GLT1D1: variants seen among roughly 807,000 people sequenced by gnomAD.
The protein encoded by GLT1D1 is glycosyltransferase 1 domain-containing protein 1.
In GLT1D1, 21 loss-of-function variants were observed where a neutral mutation model predicts 28.7. The observed-to-expected ratio is 0.73, with a 90% CI of 0.52 to 1.05. The LOEUF is 1.05. Ranked by LOEUF, GLT1D1 falls within the 50% of genes least tolerant of loss-of-function variation. The probability of loss-of-function intolerance (pLI) is 0.00; values close to 1 mark genes in which losing one functional copy is unlikely to be tolerated. For missense variants in GLT1D1, 343 were observed against 330.6 expected, an observed-to-expected ratio of 1.04 and a Z score of -0.29; for synonymous variants, 147 against 124.8, an observed-to-expected ratio of 1.18 and a Z score of -1.19.
intron 1 of GLT1D1, among the ~76,000 whole-genome samples, chr12:128,864,970 G>A (rs557673046): frequency 6.6e-6 from 1 of 152,296 alleles, no homozygotes; most frequent in South Asian, 2.1e-4. Flanking sequence ...GACCTCAGAG[G>A]CTGGAGGAGA....
chr12:128,927,143 G>C, intron 4 of GLT1D1: 1 of 1,535,568 alleles, frequency 6.5e-7, no homozygotes, highest in Non-Finnish European at 8.7e-7. Flanking sequence ...CCTGGTGATT[G>C]TGGGTCCTGA....
At position 128,970,205 on chromosome 12, in the gene GLT1D1, G is replaced by T. The variant is rs142020211; in HGVS notation, c.639+12562G>T. Among the ~76,000 whole-genome samples the T allele has an allele frequency of 5.0e-3, 754 of 152,224 alleles. 7 individuals carry two copies. Among genetic ancestry groups the T allele is most frequent in the African/African-American group, 0.017 (721 of 41,544 alleles). On this transcript the variant is annotated intron_variant, in intron 7 of 7. Transcript: ENST00000281703. ...ACCCCGGTGGGCTGCAGCCTTAGGG[G>T]TAATGCTGCAGGGGAAGGCCTGCTT...
intron 4 of GLT1D1, among the ~76,000 whole-genome samples, chr12:128,939,508 G>T (rs992726617): frequency 6.6e-6 from 1 of 152,000 alleles, no homozygotes; most frequent in African/African-American, 2.4e-5. Flanking sequence ...GATCACTTGA[G>T]CCCAGGAGTT....
chr12:128,914,432 A>C (rs913932496), intron 4 of GLT1D1, among the ~76,000 whole-genome samples: 1 of 152,080 alleles, frequency 6.6e-6, no homozygotes, highest in Non-Finnish European at 1.5e-5. Context: ...GGCTCTTTTT[A>C]ACCCTCCTGT....
intron 4 of GLT1D1, among the ~76,000 whole-genome samples, chr12:128,922,300 G>A (rs1872736868): frequency 1.3e-5 from 2 of 152,000 alleles, no homozygotes; most frequent in Admixed American, 1.3e-4. Context: ...TTTGTAATTA[G>A]TAAGTAATTT....
At chr12:128,956,836 G>A (rs970843439) in intron 6 of GLT1D1, among the ~76,000 whole-genome samples, 13 of 152,094 alleles carry the variant, frequency 8.5e-5, no homozygotes, top group African/African-American at 2.7e-4. Context: ...AAATTGTCCC[G>A]CTGTGGTCAG....
chr12:128,944,835 A>C (rs1875805900), intron 4 of GLT1D1: 1 of 260,512 alleles, frequency 3.8e-6, no homozygotes, highest in Non-Finnish European at 7.3e-6. Context: ...TCTGGGGTAC[A>C]TGTGCACAAT....
At chr12:128,891,792 A>G (rs1375956332) in intron 3 of GLT1D1, among the ~76,000 whole-genome samples, 2 of 152,126 alleles carry the variant, frequency 1.3e-5, no homozygotes, top group East Asian at 3.9e-4. Context: ...TGGCAATGCA[A>G]ATGTGGACCC....
At chr12:128,864,896 T>G (rs1480031105) in intron 1 of GLT1D1, among the ~76,000 whole-genome samples, 2 of 152,122 alleles carry the variant, frequency 1.3e-5, no homozygotes, top group African/African-American at 4.8e-5. Context: ...GTGCCTGTCT[T>G]GCAGCTGTGA....
chr12:128,874,480 CT>C (rs138457706), intron 1 of GLT1D1, among the ~76,000 whole-genome samples: 6,524 of 106,720 alleles, frequency 0.061, 319 homozygotes, highest in Admixed American at 0.18. Flanking sequence ...CTGTGGCTGG[CT>C]TTTTTTTTTT....
intron 6 of GLT1D1, among the ~76,000 whole-genome samples, chr12:128,949,693 A>G (rs539512287): frequency 2.0e-5 from 3 of 152,158 alleles, no homozygotes; most frequent in Admixed American, 1.3e-4. Context: ...AGAGAATTAC[A>G]TTAAAAGTAT....
intron 2 of GLT1D1, among the ~76,000 whole-genome samples, chr12:128,879,399 T>C (rs1287732196): frequency 1.4e-4 from 12 of 83,074 alleles, no homozygotes; most frequent in South Asian, 1.1e-3. Flanking sequence ...TCTTTCTTTC[T>C]TTCTTTCTTT....
chr12:128,976,836 C>G (rs1030682507), intron 7 of GLT1D1, among the ~76,000 whole-genome samples: 11 of 152,020 alleles, frequency 7.2e-5, no homozygotes, highest in African/African-American at 2.7e-4. Context: ...TAATGAGGTT[C>G]TAATATTCAT....
chr12:128,920,369 C>T (rs945946678), intron 4 of GLT1D1, among the ~76,000 whole-genome samples: 6 of 152,246 alleles, frequency 3.9e-5, no homozygotes, highest in African/African-American at 1.4e-4. Flanking sequence ...GCTTGACCAA[C>T]ATGGTGAAGT....
intron 7 of GLT1D1, among the ~76,000 whole-genome samples, chr12:128,964,463 G>C (rs1878263922): frequency 6.6e-6 from 1 of 152,172 alleles, no homozygotes; most frequent in African/African-American, 2.4e-5. Context: ...GTCCCCTTGG[G>C]GGTGAGCAGC....
At chr12:128,854,689 G>A (rs1566073945) in intron 1 of GLT1D1, among the ~76,000 whole-genome samples, 1 of 152,062 alleles carries the variant, frequency 6.6e-6, no homozygotes. Context: ...TAGAGACAGG[G>A]TTTCACCATG....
chr12:128,945,608 G>T (rs1353441231), intron 5 of GLT1D1, among the ~76,000 whole-genome samples: 1 of 152,238 alleles, frequency 6.6e-6, no homozygotes, highest in Non-Finnish European at 1.5e-5. Context: ...AGAATGGAAA[G>T]ATTTAAACTC....
rs371578800 is a variant in GLT1D1 at position 128,908,018 on chromosome 12, T to C, written c.375+8731T>C. On this transcript the variant is annotated intron_variant, in intron 4 of 7. Transcript: ENST00000281703. Reference sequence around the variant, plus strand: ...GTTCCTGTTTCTTGAGTCGCCCCAGTAGATGGGGTGCCACACTCTCATCCT... The same window carrying C: ...GTTCCTGTTTCTTGAGTCGCCCCAGCAGATGGGGTGCCACACTCTCATCCT... Among the ~76,000 whole-genome samples, 18 of 152,234 alleles carry C rather than the reference T, an allele frequency of 1.2e-4. No individual in the cohort carries two copies. The East Asian group carries it at 1.3e-3, about 11-fold the overall frequency.
At chr12:128,949,625 A>C (rs11608291) in intron 6 of GLT1D1, among the ~76,000 whole-genome samples, 68,377 of 152,052 alleles carry the variant, frequency 0.45, 16,556 homozygotes, top group Non-Finnish European at 0.54. Context: ...GGGGTGAACA[A>C]TTCTACAACT....
Sources: gnomAD v4.1 joint callset for allele counts (sites outside exome capture counted in the v4.1 genomes callset) on GRCh38, gnomAD v4.1.1 for gene constraint, MANE v1.5 for transcripts, NCBI Gene and HGNC (gene_info 2026-07-23, HGNC 2026-07-21) for gene names.